Variants in CCDC191 observed in about 807,000 individuals in gnomAD.
CCDC191 encodes the protein coiled-coil domain-containing protein 191.
A neutral mutation model predicts 114.0 loss-of-function variants in CCDC191; 99 were observed. The ratio of observed to expected loss-of-function variants is 0.87; its 90% CI spans 0.74 to 1.03. The LOEUF (loss-of-function observed/expected upper bound fraction) is 1.03, where lower values mean the gene tolerates loss of function less well. Among genes scored for constraint, CCDC191 ranks in the 50% least tolerant of loss-of-function variants. The pLI is 0.00. For missense variants in CCDC191, 973 were observed against 1,087.0 expected (o/e 0.90, Z 1.47); for synonymous variants, 351 against 376.0 (o/e 0.93, Z 0.77).
chr3:114,040,952 A>G (rs1390037924), intron 4 of CCDC191, among the ~76,000 whole-genome samples: 1 of 152,066 alleles, frequency 6.6e-6, no homozygotes, highest in Non-Finnish European at 1.5e-5. Context: ...GTCTATTGAG[A>G]TAATATGTTA....
At chr3:114,032,427 T>C (rs1280353939) in intron 6 of CCDC191, among the ~76,000 whole-genome samples, 1 of 152,196 alleles carries the variant, frequency 6.6e-6, no homozygotes, top group Non-Finnish European at 1.5e-5. Flanking sequence ...TGCTCACCAA[T>C]TCAAACAAGC....
At chr3:114,028,176 C>T (rs1331348041) in intron 7 of CCDC191, among the ~76,000 whole-genome samples, 3 of 151,802 alleles carry the variant, frequency 2.0e-5, no homozygotes, top group Non-Finnish European at 2.9e-5. Context: ...AATATTTTGA[C>T]TGAATACTAT....
intron 1 of CCDC191, among the ~76,000 whole-genome samples, chr3:114,055,090 CTT>C (rs1033737544): frequency 5.9e-5 from 9 of 152,086 alleles, no homozygotes; most frequent in African/African-American, 2.2e-4. Flanking sequence ...ATATAATACT[CTT>C]TCACTTACCT....
At chr3:113,983,894 A>AG (rs920987817) in intron 13 of CCDC191, 6 of 152,174 alleles carry the variant, frequency 3.9e-5, no homozygotes, top group African/African-American at 1.4e-4. Context: ...ATAAACATAC[A>AG]GGGGGGTGTT....
intron 10 of CCDC191, 42 bp from the exon 11 acceptor site, chr3:114,004,788 G>A: frequency 6.3e-7 from 1 of 1,584,130 alleles, no homozygotes; most frequent in Non-Finnish European, 8.6e-7. Flanking sequence ...CTACTAACCA[G>A]TTTCCTTCAA....
intron 10 of CCDC191, 119 bp downstream of exon 10, chr3:114,005,389 G>A (rs531473293): frequency 2.0e-6 from 2 of 976,146 alleles, no homozygotes; most frequent in East Asian, 2.4e-5. Context: ...TGCTTTGAGA[G>A]TGCAAAATCA....
intron 13 of CCDC191, among the ~76,000 whole-genome samples, chr3:113,985,028 CA>C (rs1194748775): frequency 6.6e-6 from 1 of 152,094 alleles, no homozygotes; most frequent in African/African-American, 2.4e-5. Flanking sequence ...ATGAGTAAGA[CA>C]ATTAAACTAG....
chr3:113,980,733 C>A lies in CCDC191; in HGVS notation c.2224G>T (p.Glu742Ter), dbSNP rs2075119798. The A allele has an allele frequency of 1.2e-6, 2 of 1,610,190 alleles. No individual in the cohort carries two copies. Among genetic ancestry groups the A allele is most frequent in the South Asian group, 2.2e-5 (2 of 90,002 alleles). Residue 742 changes from glutamate (E) to a stop codon, truncating the protein, a stop_gained, in exon 14 of 17, where the codon GAA (glutamate) becomes TAA (stop). Coordinates refer to ENST00000295878, the MANE Select transcript of CCDC191 (RefSeq NM_020817.2). LOFTEE classifies it high-confidence loss of function. The part of the protein sequence containing the change: ...RNQQLEAIAK[E>*]HYERVLLRKK... ...CTTAGCAAGACCCTTTCATAATGTTCTTTGGCTATTGCTTCCAGCTGCTGG... is the reference window on the plus strand; with the variant it reads ...CTTAGCAAGACCCTTTCATAATGTTATTTGGCTATTGCTTCCAGCTGCTGG...
chr3:114,040,791 A>G (rs1398290183), intron 4 of CCDC191, among the ~76,000 whole-genome samples: 3 of 152,090 alleles, frequency 2.0e-5, no homozygotes, highest in African/African-American at 7.2e-5. Flanking sequence ...GTAATTCCTG[A>G]TAAAGCTTAC....
At chr3:113,999,160 A>C (rs774368529) in intron 13 of CCDC191, among the ~76,000 whole-genome samples, 12 of 152,088 alleles carry the variant, frequency 7.9e-5, no homozygotes, top group Admixed American at 3.9e-4. Context: ...AAGGGATGGA[A>C]ATGAGAATGG....
At chr3:114,003,395 A>T in intron 11 of CCDC191, 2 of 985,276 alleles carry the variant, frequency 2.0e-6, no homozygotes, top group Non-Finnish European at 2.4e-6. Context: ...TATTTCTTAC[A>T]GTTATTAAGT....
At chr3:114,006,613 T>TATATATATATATATATAA (rs1206982466) in intron 9 of CCDC191, among the ~76,000 whole-genome samples, 4 of 91,186 alleles carry the variant, frequency 4.4e-5, no homozygotes, top group African/African-American at 1.4e-4. Flanking sequence ...TATATATATA[T>TATATATATATATATATAA]ATATAAATAT....
chr3:114,039,998 T>C (rs1331276150), intron 4 of CCDC191, among the ~76,000 whole-genome samples: 2 of 152,248 alleles, frequency 1.3e-5, no homozygotes, highest in Non-Finnish European at 2.9e-5. Context: ...CACAACTCAC[T>C]CACTGACTAA....
chr3:114,018,780 T>TG lies in CCDC191; in HGVS notation c.1060_1061insC (p.Lys354ThrfsTer29). 1 of 1,613,950 alleles carries TG rather than the reference T, an allele frequency of 6.2e-7. No individual in the cohort carries two copies. On this transcript the variant is annotated frameshift_variant, in exon 8 of 17. Transcript: ENST00000295878. LOFTEE classifies it high-confidence loss of function. The stretch of plus-strand genomic sequence containing the variant: ...GGCCCGCAGGACCTTCAGCTGAATC[T>TG]TCCAGTCAGACAGGGTCCCAGCTTT...
intron 3 of CCDC191, 95 bp downstream of exon 3, chr3:114,046,496 C>A: frequency 2.5e-6 from 2 of 801,190 alleles, no homozygotes; most frequent in East Asian, 5.0e-5. Context: ...AAATTAAGAA[C>A]AAGAGTAAGA....
At chr3:114,008,620 T>C (rs2107675782) in intron 9 of CCDC191, among the ~76,000 whole-genome samples, 1 of 152,138 alleles carries the variant, frequency 6.6e-6, no homozygotes, top group South Asian at 2.1e-4. Context: ...TAAACAACTG[T>C]GTATAATACC....
chr3:114,028,574 C>T lies in CCDC191; in HGVS notation c.972+3052G>A, dbSNP rs1194906580. On this transcript the variant is annotated intron_variant, in intron 7 of 16. Transcript: ENST00000295878. ...TGCTGGAATTACAGGCTTGAGCCAC[C>T]GTGCCCGGCCTCTAAAACTATTTTT... Among the ~76,000 whole-genome samples, 3 of 151,822 alleles carry T rather than the reference C, an allele frequency of 2.0e-5. No individual in the cohort carries two copies. The East Asian group carries it at 5.8e-4, about 29-fold the overall frequency.
chr3:114,038,140 T>A (rs1176152144), intron 4 of CCDC191, among the ~76,000 whole-genome samples: 1 of 152,206 alleles, frequency 6.6e-6, no homozygotes. Flanking sequence ...CTTTCAAATT[T>A]AAGCCATTTT....
Position 114,002,585 on chromosome 3 carries a change from A to G in CCDC191, c.1979-47T>C, listed in dbSNP as rs751106091. On this transcript the variant is annotated intron_variant, in intron 11 of 16. Coordinates refer to ENST00000295878, the MANE Select transcript of CCDC191 (RefSeq NM_020817.2). ...CTAATATTTTTTATATTGAAAAAAT[A>G]TGAGGAATACTGCAAGAGAAATGTC... 4 of 1,468,672 alleles carry G rather than the reference A, an allele frequency of 2.7e-6. No homozygotes were observed. The South Asian group carries it at 3.7e-5, about 14-fold the overall frequency. 91.0% of individuals were successfully genotyped at this position (1,468,672 alleles called of 1,614,324 possible).
Sources: allele counts gnomAD v4.1 joint callset (sites outside exome capture counted in the v4.1 genomes callset), GRCh38; gene constraint gnomAD v4.1.1; transcripts MANE v1.5; gene names NCBI Gene and HGNC (gene_info 2026-07-23, HGNC 2026-07-21).